ACOT11: variants seen among roughly 807,000 people sequenced by gnomAD.
ACOT11 encodes acyl-CoA thioesterase 11, also known as acyl-coenzyme A thioesterase 11.
ACOT11 carries 69 observed loss-of-function variants against 77.5 expected under a neutral mutation model. The ratio of observed to expected loss-of-function variants is 0.89; its 90% CI spans 0.73 to 1.09. ACOT11 has a LOEUF of 1.09. Among genes scored for constraint, ACOT11 ranks in the 50% least tolerant of loss-of-function variants. The pLI is 0.00. For missense variants in ACOT11, 766 were observed against 813.7 expected (o/e 0.94, Z 0.71); for synonymous variants, 279 against 313.0 (o/e 0.89, Z 1.15).
intron 1 of ACOT11, among the ~76,000 whole-genome samples, chr1:54,581,253 C>T (rs17110739): frequency 0.026 from 4,033 of 152,224 alleles, 172 homozygotes; most frequent in African/African-American, 0.093. Flanking sequence ...TGTTTAAGGT[C>T]GGATCATTGG....
In ACOT11 at chr1:54,597,295, C is replaced by A; in HGVS notation, c.644C>A (p.Ala215Asp). The part of the protein sequence containing the change: ...ESRDCSRMVP[A>D]EKTRVESVEL... ...AGAGACTGTAGCCGCATGGTGCCGG[C>A]TGAGAAGACCCGTGTGGAGAGTGTG... Residue 215 changes from alanine to aspartate, a missense_variant, in exon 7 of 16, where the codon GCT (alanine) becomes GAT (aspartate). Transcript: ENST00000343744. The A allele has an allele frequency of 1.9e-6, 3 of 1,613,694 alleles. No homozygotes were observed. The highest frequency in any genetic ancestry group is 2.5e-6 in the Non-Finnish European group (3 of 1,180,018).
intron 1 of ACOT11, chr1:54,548,768 T>C (rs1214503189): frequency 4.9e-6 from 1 of 203,798 alleles, no homozygotes; most frequent in Admixed American, 5.3e-5. Context: ...TGGGTGTGAG[T>C]GAGTATGTGT....
chr1:54,608,454 A>G (rs1644060835), intron 15 of ACOT11, among the ~76,000 whole-genome samples: 1 of 152,050 alleles, frequency 6.6e-6, no homozygotes, highest in Non-Finnish European at 1.5e-5. Context: ...GCTGAGGGAA[A>G]GCGAGGGTGG....
chr1:54,560,416 C>T (rs1263689859), intron 1 of ACOT11, among the ~76,000 whole-genome samples: 3 of 152,132 alleles, frequency 2.0e-5, no homozygotes, highest in Non-Finnish European at 2.9e-5. Flanking sequence ...CCTCCTTGAC[C>T]CCCTTGTCCA....
Position 54,609,795 on chromosome 1 carries a change from T to C in ACOT11, c.*683T>C. 1 of 1,614,158 alleles carries C rather than the reference T, an allele frequency of 6.2e-7. No individual in the cohort carries two copies. Among genetic ancestry groups the C allele is most frequent in the Admixed American group, 1.7e-5 (1 of 60,026 alleles). On this transcript the variant is annotated 3_prime_UTR_variant, in exon 16 of 16. Coordinates refer to ENST00000343744, the MANE Select transcript of ACOT11 (RefSeq NM_147161.4). ...GCGGGCTCCGCTATTTGCAAATGGA[T>C]GCCCCAGTGTCCGGGATGTGTGGCC...
chr1:54,618,021 C>G (rs1449225777), intron 15 of ACOT11, among the ~76,000 whole-genome samples: 1 of 151,702 alleles, frequency 6.6e-6, no homozygotes, highest in Admixed American at 6.6e-5. Flanking sequence ...GCCACCAGGC[C>G]TGGCCCGAGA....
intron 1 of ACOT11, among the ~76,000 whole-genome samples, chr1:54,561,813 C>T (rs1203254437): frequency 4.0e-4 from 35 of 87,948 alleles, no homozygotes; most frequent in South Asian, 5.1e-4. Flanking sequence ...CCGGACGGGG[C>T]GGCTGGCCGG....
At chr1:54,612,354 C>T (rs56000861), downstream of ACOT11, 1,708 of 651,554 alleles carry the variant, frequency 2.6e-3, 19 homozygotes, top group African/African-American at 0.027. Context: ...AGCAGGGACT[C>T]TGCAGAGGGC....
chr1:54,569,339 T>C (rs1489549619), intron 1 of ACOT11, among the ~76,000 whole-genome samples: 4 of 151,872 alleles, frequency 2.6e-5, no homozygotes, highest in Non-Finnish European at 5.9e-5. Flanking sequence ...CCCTTTGGGG[T>C]CTTGGTTTTA....
intron 1 of ACOT11, among the ~76,000 whole-genome samples, chr1:54,568,804 G>A (rs1653832668): frequency 6.6e-6 from 1 of 152,066 alleles, no homozygotes; most frequent in African/African-American, 2.4e-5. Flanking sequence ...CTGGAGTGCA[G>A]TGATGTGATC....
downstream of ACOT11, chr1:54,610,990 G>A: frequency 1.0e-6 from 1 of 985,402 alleles, no homozygotes; most frequent in Non-Finnish European, 1.2e-6. Flanking sequence ...AACCAGCAGT[G>A]GAGCTATGCA....
chr1:54,575,917 A>G (rs987580506), intron 1 of ACOT11, among the ~76,000 whole-genome samples: 2 of 152,178 alleles, frequency 1.3e-5, no homozygotes, highest in Non-Finnish European at 2.9e-5. Flanking sequence ...CCATGGTGCT[A>G]TATAGGACCA....
At chr1:54,635,909 A>G (rs997385685) in exon 17 of ACOT11, 1 of 152,424 alleles carries the variant, frequency 6.6e-6, no homozygotes, top group Non-Finnish European at 1.5e-5. Context: ...TTGTGGGTTT[A>G]TGGGAATGAG....
intron 1 of ACOT11, 145 bp downstream of exon 1, chr1:54,548,487 C>T (rs299872): frequency 0.71 from 786,183 of 1,103,726 alleles, 285,747 homozygotes; most frequent in South Asian, 0.81. Context: ...AAGGAGAAAT[C>T]GCAGAACCCC....
At chr1:54,630,379 G>T (rs1296575233) in intron 15 of ACOT11, among the ~76,000 whole-genome samples, 1 of 152,160 alleles carries the variant, frequency 6.6e-6, no homozygotes, top group Non-Finnish European at 1.5e-5. Flanking sequence ...GCCCATAATG[G>T]CCCTAATGCC....
chr1:54,576,511 AAAG>A (rs1399628862), intron 1 of ACOT11, among the ~76,000 whole-genome samples: 1 of 151,466 alleles, frequency 6.6e-6, no homozygotes, highest in Non-Finnish European at 1.5e-5. Context: ...AAAAAAAAAA[AAAG>A]CAAAGCAGAA....
At chr1:54,575,412 G>A (rs1654076638) in intron 1 of ACOT11, among the ~76,000 whole-genome samples, 2 of 152,188 alleles carry the variant, frequency 1.3e-5, no homozygotes, top group African/African-American at 4.8e-5. Flanking sequence ...TTACCCTTGG[G>A]GGTGGAGGGA....
chr1:54,635,165 T>G, exon 17 of ACOT11: 1 of 237,068 alleles, frequency 4.2e-6, no homozygotes. Flanking sequence ...TGAACGTACT[T>G]ATTTAGGAAG....
In ACOT11 at chr1:54,584,136, C is replaced by A. The variant is rs186015745; in HGVS notation, c.34-519C>A. Among the ~76,000 whole-genome samples, 23 of 152,266 alleles carry A rather than the reference C, an allele frequency of 1.5e-4. No homozygotes were observed. The East Asian group carries it at 3.7e-3, about 24-fold the overall frequency. On this transcript the variant is annotated intron_variant, in intron 1 of 15. Transcript: ENST00000343744. The surrounding 1 kb of genome is among the most constrained non-coding windows in gnomAD (Gnocchi z 6.3). The stretch of plus-strand genomic sequence containing the variant: ...GATCCAAGTGCTAGACATTAGCGGG[C>A]CACAGAGGCTGTCCTGATGGCCTCT...
Sources: allele counts gnomAD v4.1 joint callset (sites outside exome capture counted in the v4.1 genomes callset), GRCh38; gene constraint gnomAD v4.1.1; non-coding constraint Gnocchi (gnomAD v3.1); transcripts MANE v1.5; gene names NCBI Gene and HGNC (gene_info 2026-07-23, HGNC 2026-07-21).